TAOK3: variants seen among roughly 807,000 people sequenced by gnomAD.
TAOK3 encodes TAO kinase 3.
Under a neutral mutation model 120.4 loss-of-function variants are expected in TAOK3, and 40 were observed. The observed-to-expected ratio is 0.33, with a 90% CI of 0.26 to 0.43. TAOK3 has a LOEUF of 0.43. TAOK3 is among the 20% of genes least tolerant of loss of function. The pLI is 1.00. For synonymous variants in TAOK3, 355 were observed against 387.5 expected (o/e 0.92, Z 0.99); for missense variants, 821 against 1,112.1 (o/e 0.74, Z 3.72).
intron 9 of TAOK3, 83 bp downstream of exon 9, chr12:118,233,591 A>G: frequency 1.8e-6 from 2 of 1,085,586 alleles, no homozygotes; most frequent in Non-Finnish European, 1.4e-6. Flanking sequence ...CCTAATCATT[A>G]TGATTCTTAA....
intron 1 of TAOK3, among the ~76,000 whole-genome samples, chr12:118,354,570 T>C (rs2045314202): frequency 6.6e-6 from 1 of 152,010 alleles, no homozygotes; most frequent in Non-Finnish European, 1.5e-5. Flanking sequence ...GATTTGGCTA[T>C]GTCCCCACCC....
At chr12:118,267,760 C>T (rs1227846768) in intron 1 of TAOK3, among the ~76,000 whole-genome samples, 1 of 150,994 alleles carries the variant, frequency 6.6e-6, no homozygotes, top group African/African-American at 2.4e-5. Context: ...TGGCATGTGC[C>T]TGTAATCCCA....
At chr12:118,163,580 C>T (rs1000357796) in intron 17 of TAOK3, among the ~76,000 whole-genome samples, 14 of 149,914 alleles carry the variant, frequency 9.3e-5, no homozygotes, top group African/African-American at 2.7e-4. Context: ...CCCACCATGC[C>T]CAGCCAGGAA....
chr12:118,357,115 C>T (rs563837806), intron 1 of TAOK3, among the ~76,000 whole-genome samples: 1 of 152,276 alleles, frequency 6.6e-6, no homozygotes, highest in Non-Finnish European at 1.5e-5. Flanking sequence ...AAAAATAACT[C>T]CCCACTGTAA....
At chr12:118,170,454 A>G (rs1377723935) in intron 17 of TAOK3, among the ~76,000 whole-genome samples, 1 of 152,058 alleles carries the variant, frequency 6.6e-6, no homozygotes, top group Non-Finnish European at 1.5e-5. Context: ...TAGCCATATC[A>G]CTGCCCTTCT....
chr12:118,355,170 C>A (rs1655493001), intron 1 of TAOK3, among the ~76,000 whole-genome samples: 1 of 152,108 alleles, frequency 6.6e-6, no homozygotes, highest in Admixed American at 6.6e-5. Flanking sequence ...CCACAGAAAG[C>A]AAGACAGGAT....
At chr12:118,283,746 AC>A (rs1266807191) in intron 1 of TAOK3, 1 of 204,128 alleles carries the variant, frequency 4.9e-6, no homozygotes, top group Non-Finnish European at 1.1e-5. Flanking sequence ...AAACAAAACA[AC>A]AACAACAACA....
At chr12:118,368,494 G>A (rs905157017) in intron 1 of TAOK3, among the ~76,000 whole-genome samples, 1 of 140,260 alleles carries the variant, frequency 7.1e-6, no homozygotes. Context: ...CACCGCGCCC[G>A]GCCTGGTTAT....
chr12:118,354,323 C>A (rs922577768), intron 1 of TAOK3, among the ~76,000 whole-genome samples: 11 of 152,094 alleles, frequency 7.2e-5, no homozygotes, highest in Admixed American at 2.0e-4. Flanking sequence ...ATCTGATAAC[C>A]AAGACAACCA....
intron 1 of TAOK3, among the ~76,000 whole-genome samples, chr12:118,279,481 C>T (rs1204008538): frequency 6.6e-6 from 1 of 150,880 alleles, no homozygotes; most frequent in Admixed American, 6.6e-5. Context: ...ATCATGTAAT[C>T]TTCGCCAGGT....
intron 1 of TAOK3, among the ~76,000 whole-genome samples, chr12:118,332,504 T>G (rs1367637555): frequency 2.0e-5 from 3 of 152,222 alleles, no homozygotes; most frequent in Non-Finnish European, 4.4e-5. Flanking sequence ...CCAATGGACA[T>G]CTCCATGGCA....
chr12:118,283,926 C>T (rs1159812809), intron 1 of TAOK3, among the ~76,000 whole-genome samples: 1 of 152,128 alleles, frequency 6.6e-6, no homozygotes, highest in Non-Finnish European at 1.5e-5. Flanking sequence ...TGTCAAGGAG[C>T]TTGAATACCA....
Position 118,281,641 on chromosome 12 carries a change from G to A in TAOK3, c.-193-14882C>T, listed in dbSNP as rs111509359. ...CTCTACTAAAAGTACAAAAATAGCC[G>A]GGGGTGGTGGTGGGTACGTGTAATC... is the stretch of plus-strand genomic sequence containing the variant. On this transcript the variant is annotated intron_variant, in intron 1 of 20. Transcript: ENST00000392533. Among the ~76,000 whole-genome samples the A allele has an allele frequency of 8.8e-3, 1,334 of 151,962 alleles. 20 individuals are homozygous for A. Among genetic ancestry groups the A allele is most frequent in the African/African-American group, 0.031 (1,287 of 41,468 alleles).
intron 3 of TAOK3, among the ~76,000 whole-genome samples, chr12:118,250,387 C>A (rs1448456607): frequency 6.6e-6 from 1 of 152,174 alleles, no homozygotes; most frequent in Non-Finnish European, 1.5e-5. Context: ...AAGAGCTGTT[C>A]CAGCTTACAA....
intron 13 of TAOK3, among the ~76,000 whole-genome samples, chr12:118,193,466 T>G (rs2037544211): frequency 6.6e-6 from 1 of 152,262 alleles, no homozygotes; most frequent in Non-Finnish European, 1.5e-5. Context: ...GTGAAACATG[T>G]GAAGCATGAG....
chr12:118,187,765 C>T (rs1268186416), intron 14 of TAOK3, among the ~76,000 whole-genome samples: 4 of 152,280 alleles, frequency 2.6e-5, no homozygotes, highest in Admixed American at 6.5e-5. Context: ...CTGTTTGTAA[C>T]TTAATATAGG....
chr12:118,172,800 C>T lies in TAOK3; in HGVS notation c.1696-140G>A. On this transcript the variant is annotated intron_variant, in intron 16 of 20. Coordinates refer to ENST00000392533, the MANE Select transcript of TAOK3 (RefSeq NM_016281.4). Reference sequence around the variant, plus strand: ...AAGCTTAGTGTTGCACATCCTTCCCCCAATTTTTTTTATTTGCTCATTAAT... The same window carrying T: ...AAGCTTAGTGTTGCACATCCTTCCCTCAATTTTTTTTATTTGCTCATTAAT... The T allele has an allele frequency of 8.2e-6, 6 of 729,654 alleles. No homozygotes were observed. The South Asian group carries it at 8.9e-5, about 11-fold the overall frequency. 45.2% of individuals were successfully genotyped at this position (729,654 alleles called of 1,614,324 possible).
chr12:118,304,374 G>A (rs2042976974), intron 1 of TAOK3, among the ~76,000 whole-genome samples: 1 of 152,164 alleles, frequency 6.6e-6, no homozygotes, highest in African/African-American at 2.4e-5. Flanking sequence ...GACACAGGCT[G>A]TTTGAACTAG....
chr12:118,151,920 A>G (rs1414017105), intron 20 of TAOK3, among the ~76,000 whole-genome samples: 1 of 152,160 alleles, frequency 6.6e-6, no homozygotes, highest in African/African-American at 2.4e-5. Flanking sequence ...CTGTCAGCTC[A>G]CAGTACCTTT....
Sources: allele counts gnomAD v4.1 joint callset (sites outside exome capture counted in the v4.1 genomes callset), GRCh38; gene constraint gnomAD v4.1.1; transcripts MANE v1.5; gene names NCBI Gene and HGNC (gene_info 2026-07-23, HGNC 2026-07-21).